Variants in RORB observed in about 807,000 individuals in gnomAD.
RORB encodes RAR related orphan receptor B.
A neutral mutation model predicts 59.1 loss-of-function variants in RORB; 6 were observed. That is an observed-to-expected ratio of 0.10 (90% CI 0.06 to 0.20). The LOEUF is 0.20. Ranked by LOEUF, RORB falls within the 10% of genes least tolerant of loss-of-function variation. The probability of loss-of-function intolerance (pLI) is 1.00; values close to 1 mark genes in which losing one functional copy is unlikely to be tolerated. For missense variants in RORB, 320 were observed against 560.5 expected, an observed-to-expected ratio of 0.57 and a Z score of 4.33; for synonymous variants, 215 against 204.5, an observed-to-expected ratio of 1.05 and a Z score of -0.44.
intron 4 of RORB, among the ~76,000 whole-genome samples, chr9:74,650,020 A>C (rs10117998): frequency 0.23 from 35,684 of 152,076 alleles, 4,300 homozygotes; most frequent in African/African-American, 0.25. Flanking sequence ...ACCACCACCA[A>C]CAACAACAAA....
intron 4 of RORB, among the ~76,000 whole-genome samples, chr9:74,655,915 G>A (rs1824071165): frequency 6.6e-6 from 1 of 152,200 alleles, no homozygotes; most frequent in Non-Finnish European, 1.5e-5. Context: ...GAGAGAAAGT[G>A]GTGGAGGAAT....
At chr9:74,679,061 A>C (rs1824495877) in intron 9 of RORB, among the ~76,000 whole-genome samples, 1 of 151,476 alleles carries the variant, frequency 6.6e-6, no homozygotes, top group South Asian at 2.1e-4. Context: ...AAACAAACAA[A>C]AAAAAAAACA....
intron 1 of RORB, among the ~76,000 whole-genome samples, chr9:74,605,017 G>A (rs1823127311): frequency 6.6e-6 from 1 of 152,140 alleles, no homozygotes; most frequent in Admixed American, 6.5e-5. Flanking sequence ...AAGCCCCCAA[G>A]CTTTATGTAG....
chr9:74,614,544 T>C (rs1823279614), intron 1 of RORB, among the ~76,000 whole-genome samples: 1 of 152,094 alleles, frequency 6.6e-6, no homozygotes, highest in African/African-American at 2.4e-5. Context: ...GTACAATACA[T>C]GTGTCCTAGA....
intron 1 of RORB, among the ~76,000 whole-genome samples, chr9:74,520,035 C>A (rs760069558): frequency 6.6e-5 from 10 of 151,698 alleles, no homozygotes; most frequent in Admixed American, 6.6e-5. Flanking sequence ...AACTGCTACA[C>A]ACAGCACATA....
intron 1 of RORB, among the ~76,000 whole-genome samples, chr9:74,502,026 G>A (rs1019516640): frequency 6.6e-6 from 1 of 151,866 alleles, no homozygotes; most frequent in African/African-American, 2.4e-5. Flanking sequence ...TTATTAAAGT[G>A]GTTTATGTGA....
chr9:74,511,707 A>G (rs1385496782), intron 1 of RORB, among the ~76,000 whole-genome samples: 6 of 149,830 alleles, frequency 4.0e-5, no homozygotes, highest in African/African-American at 7.4e-5. Flanking sequence ...GTTTTAGCTC[A>G]TCCATTTGCC....
chr9:74,652,894 C>T (rs1159773413), intron 4 of RORB, among the ~76,000 whole-genome samples: 2 of 152,148 alleles, frequency 1.3e-5, no homozygotes, highest in African/African-American at 4.8e-5. Flanking sequence ...TACTCTTCCT[C>T]CGAATCTACA....
At chr9:74,556,520 C>A (rs1035147044) in intron 1 of RORB, among the ~76,000 whole-genome samples, 1 of 152,134 alleles carries the variant, frequency 6.6e-6, no homozygotes, top group Non-Finnish European at 1.5e-5. Context: ...CCATCCACAG[C>A]GACCAAGCAG....
chr9:74,650,485 T>C (rs1823973236), intron 4 of RORB, among the ~76,000 whole-genome samples: 1 of 152,240 alleles, frequency 6.6e-6, no homozygotes, highest in Non-Finnish European at 1.5e-5. Context: ...TAACAGGTGC[T>C]CTCTGCTAAC....
chr9:74,579,655 T>C (rs1822691202), intron 1 of RORB, among the ~76,000 whole-genome samples: 2 of 152,138 alleles, frequency 1.3e-5, no homozygotes, highest in African/African-American at 2.4e-5. Context: ...TTTCATTGAC[T>C]TTTCCTATCA....
At chr9:74,562,394 T>C (rs1482235263) in intron 1 of RORB, among the ~76,000 whole-genome samples, 2 of 152,230 alleles carry the variant, frequency 1.3e-5, no homozygotes. Context: ...AATTGTTGTA[T>C]CTGTAATATG....
At chr9:74,659,470 CT>C (rs1313876455) in intron 4 of RORB, among the ~76,000 whole-genome samples, 2 of 152,010 alleles carry the variant, frequency 1.3e-5, no homozygotes, top group Non-Finnish European at 2.9e-5. Context: ...CTTCAGGGGA[CT>C]CACAGCAGGC....
At chr9:74,656,079 T>C (rs368941946) in intron 4 of RORB, among the ~76,000 whole-genome samples, 13 of 152,360 alleles carry the variant, frequency 8.5e-5, no homozygotes, top group Middle Eastern at 3.4e-3. Context: ...TCTGAGTGCT[T>C]AGGCTTTAAG....
intron 1 of RORB, among the ~76,000 whole-genome samples, chr9:74,564,441 T>G (rs1822441047): frequency 1.3e-5 from 2 of 152,242 alleles, no homozygotes. Context: ...AGTTTTCCCT[T>G]CTTGCATCTA....
chr9:74,521,217 A>G (rs1826081372), intron 1 of RORB, among the ~76,000 whole-genome samples: 1 of 151,938 alleles, frequency 6.6e-6, no homozygotes, highest in African/African-American at 2.4e-5. Context: ...GATGATTCAG[A>G]TGGTGAAGTC....
chr9:74,585,649 ACTAGT>A (rs1250505618), intron 1 of RORB, among the ~76,000 whole-genome samples: 1 of 152,148 alleles, frequency 6.6e-6, no homozygotes, highest in Non-Finnish European at 1.5e-5. Context: ...TATACCGTCA[ACTAGT>A]CCCTTTTTTC....
rs753907451 is a variant in RORB at position 74,665,611 on chromosome 9, A to G, written c.1000+16A>G. 6.7e-6 allele frequency: 10 copies of G among 1,488,556 alleles called. No individual in the cohort carries two copies. In the South Asian group the frequency reaches 1.0e-4, roughly 15 times the overall value. 92.2% of individuals were successfully genotyped at this position (1,488,556 alleles called of 1,614,324 possible). A position where few individuals can be genotyped will look rare whatever the true frequency, so the allele number is the denominator to read the frequency against. On this transcript the variant is annotated intron_variant, in intron 7 of 9. Transcript: ENST00000376896. ...AAAGCCTTAGGTAAGTTTCCCTTTG[A>G]TGAGGACACAATTTTATTAGCCACC...
chr9:74,570,147 GT>G (rs919527821), intron 1 of RORB, among the ~76,000 whole-genome samples: 8 of 152,102 alleles, frequency 5.3e-5, no homozygotes, highest in African/African-American at 1.9e-4. Context: ...TTAGAAGTTT[GT>G]TATTTTTAAT....
Sources: allele counts gnomAD v4.1 joint callset (sites outside exome capture counted in the v4.1 genomes callset), GRCh38; gene constraint gnomAD v4.1.1; transcripts MANE v1.5; gene names NCBI Gene and HGNC (gene_info 2026-07-23, HGNC 2026-07-21).